The following CENPW variants were observed in gnomAD, a reference collection of about 807,000 sequenced individuals.
CENPW encodes cancer-up-regulated gene 2 protein.
In CENPW, 3 loss-of-function variants were observed where a neutral mutation model predicts 11.1. The ratio of observed to expected loss-of-function variants is 0.27; its 90% confidence interval spans 0.12 to 0.70. The LOEUF is 0.70. Among genes scored for constraint, CENPW ranks in the 30% least tolerant of loss-of-function variants. The probability of loss-of-function intolerance (pLI) is 0.77; values close to 1 mark genes in which losing one functional copy is unlikely to be tolerated. For missense variants in CENPW, 100 were observed against 105.6 expected (o/e 0.95, Z 0.23); for synonymous variants, 38 against 42.0 (o/e 0.91, Z 0.37).
intron 1 of CENPW, among the ~76,000 whole-genome samples, chr6:126,345,358 G>T (rs1780388171): frequency 6.6e-6 from 1 of 151,856 alleles, no homozygotes; most frequent in African/African-American, 2.4e-5. Flanking sequence ...GTACAAGAAG[G>T]TGTCAGCTAT....
chr6:126,426,586 A>G, the CENPW span, among the ~76,000 whole-genome samples: 1 of 152,204 alleles, frequency 6.6e-6, no homozygotes, highest in Non-Finnish European at 1.5e-5. Flanking sequence ...GCTCACACAT[A>G]TATAGTCAAT....
the CENPW span, among the ~76,000 whole-genome samples, chr6:126,385,492 G>A: frequency 6.6e-6 from 1 of 152,044 alleles, no homozygotes; most frequent in Non-Finnish European, 1.5e-5. Context: ...AGGAATAAAT[G>A]AGGAAATATA....
At chr6:126,427,553 C>A in the CENPW span, among the ~76,000 whole-genome samples, 1 of 152,198 alleles carries the variant, frequency 6.6e-6, no homozygotes, top group South Asian at 2.1e-4. Flanking sequence ...ACCCTCCTTA[C>A]ACTACCTCAC....
the CENPW span, among the ~76,000 whole-genome samples, chr6:126,433,454 C>T: frequency 2.6e-5 from 4 of 152,148 alleles, no homozygotes; most frequent in Non-Finnish European, 5.9e-5. Flanking sequence ...ATGATAACTA[C>T]GTTGTTTTCT....
the CENPW span, among the ~76,000 whole-genome samples, chr6:126,420,534 A>C: frequency 1.3e-5 from 2 of 152,220 alleles, no homozygotes; most frequent in African/African-American, 4.8e-5. Flanking sequence ...CTTGGCAAAG[A>C]AATGGCATGG....
chr6:126,467,617 C>T, the CENPW span, among the ~76,000 whole-genome samples: 1 of 151,938 alleles, frequency 6.6e-6, no homozygotes, highest in Non-Finnish European at 1.5e-5. Flanking sequence ...TGAGTCTATA[C>T]TGATATAAAT....
In CENPW at chr6:126,340,236, ACCTCGGAAGCTGAGGCAGC is replaced by A; in HGVS notation, c.-37_-19del. ...GGAGCTTGTGTGCGATACAGAGAGC[ACCTCGGAAGCTGAGGCAGC>A]TGGTACTTGACAGAGAGGATGGCGC... On this transcript the variant is annotated 5_prime_UTR_variant, in exon 1 of 3. The change creates a new upstream start codon in the 5' untranslated region. Coordinates refer to ENST00000368328, the MANE Select transcript of CENPW (RefSeq NM_001012507.4). 6.2e-7 allele frequency: 1 copy of A among 1,605,666 alleles called. No individual in the cohort carries two copies. Among genetic ancestry groups the A allele is most frequent in the Non-Finnish European group, 8.5e-7 (1 of 1,174,256 alleles).
the CENPW span, among the ~76,000 whole-genome samples, chr6:126,424,172 A>C: frequency 2.0e-5 from 3 of 152,246 alleles, no homozygotes; most frequent in East Asian, 5.8e-4. Flanking sequence ...GATGTTCTTC[A>C]AACTTTGATG....
the CENPW span, among the ~76,000 whole-genome samples, chr6:126,445,545 A>G: frequency 7.4e-4 from 112 of 151,302 alleles, no homozygotes; most frequent in African/African-American, 2.6e-3. Flanking sequence ...ACATTTAACT[A>G]TCTGCTTTTT....
the CENPW span, among the ~76,000 whole-genome samples, chr6:126,385,597 T>C: frequency 7.9e-4 from 120 of 152,224 alleles, no homozygotes; most frequent in African/African-American, 2.7e-3. Flanking sequence ...TAATTGTAAT[T>C]GCCATAATCC....
the CENPW span, among the ~76,000 whole-genome samples, chr6:126,384,358 A>G: frequency 3.3e-5 from 5 of 152,142 alleles, no homozygotes; most frequent in African/African-American, 4.8e-5. Flanking sequence ...AGGAGGCACC[A>G]TGATCCCCAA....
chr6:126,387,906 A>G, the CENPW span, among the ~76,000 whole-genome samples: 1 of 151,964 alleles, frequency 6.6e-6, no homozygotes, highest in Admixed American at 6.6e-5. Context: ...ACCTTATGAA[A>G]CATACTAGCC....
the CENPW span, among the ~76,000 whole-genome samples, chr6:126,393,049 G>C: frequency 2.0e-5 from 3 of 151,632 alleles, no homozygotes; most frequent in East Asian, 1.9e-4. Flanking sequence ...GAATGTGTCC[G>C]TTTCTTTTAG....
chr6:126,444,618 T>G, the CENPW span, among the ~76,000 whole-genome samples: 1 of 151,202 alleles, frequency 6.6e-6, no homozygotes, highest in Non-Finnish European at 1.5e-5. Flanking sequence ...TCTGACTGTT[T>G]CTAATTTTTC....
chr6:126,437,070 G>A, the CENPW span, among the ~76,000 whole-genome samples: 1 of 151,024 alleles, frequency 6.6e-6, no homozygotes, highest in East Asian at 2.0e-4. Context: ...AACTACATTC[G>A]GTCAACCTGT....
chr6:126,422,413 C>T, the CENPW span, among the ~76,000 whole-genome samples: 128 of 152,150 alleles, frequency 8.4e-4, no homozygotes, highest in African/African-American at 3.0e-3. Flanking sequence ...TTTGATTTCT[C>T]CTGGGGCCTT....
the CENPW span, among the ~76,000 whole-genome samples, chr6:126,420,117 G>A: frequency 6.6e-6 from 1 of 152,116 alleles, no homozygotes; most frequent in Non-Finnish European, 1.5e-5. Context: ...CTTTGAACAG[G>A]AATATTTAAG....
the CENPW span, among the ~76,000 whole-genome samples, chr6:126,469,120 T>C: frequency 2.0e-5 from 3 of 152,142 alleles, no homozygotes; most frequent in African/African-American, 7.2e-5. Flanking sequence ...TGTATCTATG[T>C]TATATGGTTT....
chr6:126,368,658 T>A, the CENPW span, among the ~76,000 whole-genome samples: 1 of 151,942 alleles, frequency 6.6e-6, no homozygotes, highest in Non-Finnish European at 1.5e-5. Flanking sequence ...TAGTTTTTTT[T>A]TTTTGAGTTG....
Sources: allele counts gnomAD v4.1 joint callset (sites outside exome capture counted in the v4.1 genomes callset), GRCh38; gene constraint gnomAD v4.1.1; transcripts MANE v1.5; gene names NCBI Gene and HGNC (gene_info 2026-07-23, HGNC 2026-07-21).